The following UGGT2 variants were observed in gnomAD, a reference collection of about 807,000 sequenced individuals.
The protein encoded by UGGT2 is UDP-glucose glycoprotein glucosyltransferase 2, also known as UDP-glucose:glycoprotein glucosyltransferase 2.
In UGGT2, 180 loss-of-function variants were observed where a neutral mutation model predicts 192.1. The observed-to-expected ratio is 0.94, with a 90% CI of 0.83 to 1.06. The LOEUF (loss-of-function observed/expected upper bound fraction) is 1.06, where lower values mean the gene tolerates loss of function less well. Among genes scored for constraint, UGGT2 ranks in the 50% least tolerant of loss-of-function variants. The pLI is 0.00. For missense variants in UGGT2, 1,849 were observed against 1,795.7 expected (o/e 1.03, Z -0.54); for synonymous variants, 580 against 591.0 (o/e 0.98, Z 0.27).
chr13:96,013,100 GAT>G (rs1413263140), intron 5 of UGGT2, among the ~76,000 whole-genome samples: 2 of 152,090 alleles, frequency 1.3e-5, no homozygotes, highest in Middle Eastern at 3.4e-3. Flanking sequence ...ATTTGTGCCA[GAT>G]ATAAGGCAAA....
intron 20 of UGGT2, among the ~76,000 whole-genome samples, chr13:95,907,164 GCTGT>G (rs2048318494): frequency 6.6e-6 from 1 of 152,240 alleles, no homozygotes; most frequent in Non-Finnish European, 1.5e-5. Context: ...TGCTAGCGCA[GCTGT>G]CTGAGATTGA....
At chr13:95,875,500 C>T (rs963809014) in intron 29 of UGGT2, among the ~76,000 whole-genome samples, 6 of 152,218 alleles carry the variant, frequency 3.9e-5, no homozygotes, top group Admixed American at 6.5e-5. Context: ...CTGGGATATA[C>T]GTCATAATAT....
At chr13:95,921,233 G>T (rs1594331344) in intron 20 of UGGT2, among the ~76,000 whole-genome samples, 1 of 151,828 alleles carries the variant, frequency 6.6e-6, no homozygotes, top group Non-Finnish European at 1.5e-5. Flanking sequence ...AGGAAGAATA[G>T]CTAAGGGATG....
intron 29 of UGGT2, among the ~76,000 whole-genome samples, chr13:95,875,257 T>C (rs1242058470): frequency 6.6e-6 from 1 of 152,224 alleles, no homozygotes; most frequent in Admixed American, 6.5e-5. Flanking sequence ...TCTGTTCAAG[T>C]CTTTTGCACA....
In UGGT2 at chr13:95,937,052, G is replaced by C. The variant is rs535763223; in HGVS notation, c.1849C>G (p.Pro617Ala). ...CCATTATAAAGAGCTTGAGGCAAAG[G>C]ACCCAGGCCAGTCATCTTATAAAAG... is the stretch of plus-strand genomic sequence containing the variant. Reference protein sequence around the residue: ...ASFYKMTGLGPLPQALYNGEP... With the variant: ...ASFYKMTGLGALPQALYNGEP... The change falls in exon 17 of 39, where the codon CCT becomes GCT. Residue 617 changes from proline (P) to alanine (A), a missense_variant. Pro to Ala is a conservative substitution (Grantham distance 27). Coordinates refer to ENST00000376747, the MANE Select transcript of UGGT2 (RefSeq NM_020121.4). 9 of 1,601,362 alleles carry C rather than the reference G, an allele frequency of 5.6e-6. No individual in the cohort carries two copies. The South Asian group carries it at 6.8e-5, about 12-fold the overall frequency.
chr13:95,967,815 G>A (rs1265405555), intron 12 of UGGT2, among the ~76,000 whole-genome samples: 1 of 152,124 alleles, frequency 6.6e-6, no homozygotes, highest in Non-Finnish European at 1.5e-5. Context: ...CACGTCCTCA[G>A]TTAAATTCTA....
At chr13:95,915,574 A>G (rs1206130632) in intron 20 of UGGT2, among the ~76,000 whole-genome samples, 1 of 152,234 alleles carries the variant, frequency 6.6e-6, no homozygotes, top group African/African-American at 2.4e-5. Context: ...CAAAAAATAC[A>G]CTTATCCCTG....
intron 16 of UGGT2, among the ~76,000 whole-genome samples, chr13:95,938,140 T>C (rs1462154457): frequency 6.6e-6 from 1 of 152,212 alleles, no homozygotes; most frequent in African/African-American, 2.4e-5. Context: ...CGTGGAACTG[T>C]AAGTCCATTA....
At chr13:95,948,212 A>G (rs905992448) in intron 13 of UGGT2, 131 bp from the exon 14 acceptor site, 12 of 474,670 alleles carry the variant, frequency 2.5e-5, no homozygotes, top group Non-Finnish European at 4.7e-5. Context: ...TAGCAATTCT[A>G]AGGAATACAC....
intron 20 of UGGT2, among the ~76,000 whole-genome samples, chr13:95,908,790 G>T (rs1440879119): frequency 2.3e-5 from 3 of 128,426 alleles, no homozygotes; most frequent in East Asian, 2.1e-4. Flanking sequence ...TTTTTGATGG[G>T]GTTGTTTGTT....
At chr13:95,958,949 G>A (rs1202297328) in intron 12 of UGGT2, among the ~76,000 whole-genome samples, 1 of 152,192 alleles carries the variant, frequency 6.6e-6, no homozygotes, top group Non-Finnish European at 1.5e-5. Flanking sequence ...GAGACTAACA[G>A]AGGGAGCTAC....
chr13:95,963,622 T>C (rs546388142), intron 12 of UGGT2, among the ~76,000 whole-genome samples: 1 of 152,246 alleles, frequency 6.6e-6, no homozygotes, highest in East Asian at 1.9e-4. Flanking sequence ...CACAACATGA[T>C]TGTATATCTA....
intron 33 of UGGT2, chr13:95,856,740 G>C: frequency 2.8e-6 from 1 of 351,522 alleles, no homozygotes; most frequent in Non-Finnish European, 5.4e-6. Flanking sequence ...GGTCAGAGAT[G>C]TAAAGATGAA....
intron 1 of UGGT2, among the ~76,000 whole-genome samples, chr13:96,052,640 T>A (rs2053517972): frequency 6.6e-6 from 1 of 152,186 alleles, no homozygotes. Flanking sequence ...ACTAGAATAC[T>A]AAAGGGCAAA....
At chr13:96,032,464 A>G (rs1327219165) in intron 1 of UGGT2, among the ~76,000 whole-genome samples, 1 of 152,160 alleles carries the variant, frequency 6.6e-6, no homozygotes, top group African/African-American at 2.4e-5. Context: ...AACAGAAAAG[A>G]TCTTAATTTT....
chr13:95,947,032 C>A lies in UGGT2; in HGVS notation c.1677+5G>T. 1 of 1,568,342 alleles carries A rather than the reference C, an allele frequency of 6.4e-7. No homozygotes were observed. The highest frequency in any genetic ancestry group is 8.6e-7 in the Non-Finnish European group (1 of 1,162,572). Reference sequence around the variant, plus strand: ...AAACAAATCACATTTAGTGCATAAACTCACGTGTACTATAGAAATAAATGC... The same window carrying A: ...AAACAAATCACATTTAGTGCATAAAATCACGTGTACTATAGAAATAAATGC... On this transcript the variant is annotated splice_donor_5th_base_variant and intron_variant, in intron 15 of 38. Transcript: ENST00000376747.
rs151048276 is a variant in UGGT2 at position 95,910,506 on chromosome 13, T to C, written c.2296-7446A>G. Among the ~76,000 whole-genome samples the C allele has an allele frequency of 4.8e-3, 729 of 152,318 alleles. 9 individuals carry two copies. The highest frequency in any genetic ancestry group is 0.017 in the African/African-American group (686 of 41,568). On this transcript the variant is annotated intron_variant, in intron 20 of 38. Coordinates refer to ENST00000376747, the MANE Select transcript of UGGT2 (RefSeq NM_020121.4). ...AGAGACAAAAAAGGCCAGTACATAA[T>C]GGTAAACGGATGAATTGAACAAGAA...
In UGGT2 at chr13:95,949,458, GA is replaced by G; in HGVS notation, c.1336-5del. On this transcript the variant is annotated splice_polypyrimidine_tract_variant and splice_region_variant and intron_variant, in intron 12 of 38. Transcript: ENST00000376747. ...CATTTTCTAAGTCATTAATCCACTA[GA>G]AAAGAACGCAGACACTTGTGAAAGC... 2 of 1,466,904 alleles carry G rather than the reference GA, an allele frequency of 1.4e-6. No individual in the cohort carries two copies. The highest frequency in any genetic ancestry group is 1.6e-5 in the South Asian group (1 of 63,892). 90.9% of individuals were successfully genotyped at this position (1,466,904 alleles called of 1,614,324 possible).
At chr13:95,965,285 T>A (rs575990769) in intron 12 of UGGT2, among the ~76,000 whole-genome samples, 1 of 150,782 alleles carries the variant, frequency 6.6e-6, no homozygotes, top group Non-Finnish European at 1.5e-5. Context: ...TAAAGACACA[T>A]GCACATGTAT....
Sources: allele counts gnomAD v4.1 joint callset (sites outside exome capture counted in the v4.1 genomes callset), GRCh38; gene constraint gnomAD v4.1.1; transcripts MANE v1.5; gene names NCBI Gene and HGNC (gene_info 2026-07-23, HGNC 2026-07-21).